ALPL: variants seen among roughly 807,000 people sequenced by gnomAD.
The protein encoded by ALPL is alkaline phosphatase, tissue-nonspecific isozyme.
A neutral mutation model predicts 51.3 loss-of-function variants in ALPL; 42 were observed. The observed-to-expected ratio is 0.82, with a 90% CI of 0.64 to 1.06. ALPL has a LOEUF of 1.06. ALPL is among the 50% of genes least tolerant of loss of function. The probability of loss-of-function intolerance (pLI) is 0.00; values close to 1 mark genes in which losing one functional copy is unlikely to be tolerated. For synonymous variants in ALPL, 279 were observed against 296.4 expected, an observed-to-expected ratio of 0.94 and a Z score of 0.60; for missense variants, 589 against 709.4, an observed-to-expected ratio of 0.83 and a Z score of 1.93.
intron 9 of ALPL, 133 bp from the exon 10 acceptor site, chr1:21,575,600 C>G: frequency 9.2e-7 from 1 of 1,083,920 alleles, no homozygotes; most frequent in Non-Finnish European, 1.4e-6. Context: ...GGTGCTAGCT[C>G]AGAGTGGTGC....
At chr1:21,544,677 C>T (rs1644230585) in intron 1 of ALPL, among the ~76,000 whole-genome samples, 1 of 152,148 alleles carries the variant, frequency 6.6e-6, no homozygotes, top group Non-Finnish European at 1.5e-5. Flanking sequence ...ACCTGGAAGG[C>T]GGAGGTTGCA....
intron 10 of ALPL, among the ~76,000 whole-genome samples, chr1:21,576,271 G>GGATGGATGGATGGATGGATGGATGGATGA (rs1644734391): frequency 4.6e-5 from 1 of 21,958 alleles, no homozygotes; most frequent in Non-Finnish European, 1.1e-4. Flanking sequence ...GGATGGATGG[G>GGATGGATGGATGGATGGATGGATGGATGA]TGGATGGATG....
chr1:21,542,008 C>G (rs996557830), intron 1 of ALPL, among the ~76,000 whole-genome samples: 1 of 152,230 alleles, frequency 6.6e-6, no homozygotes, highest in Admixed American at 6.5e-5. Context: ...GCAGCCCACT[C>G]TGAAACCACC....
intron 1 of ALPL, among the ~76,000 whole-genome samples, chr1:21,542,563 C>G (rs1033798017): frequency 1.3e-5 from 2 of 152,184 alleles, no homozygotes; most frequent in Admixed American, 6.5e-5. Context: ...AGCTTCCAGC[C>G]AGGCGCAGTG....
Position 21,537,568 on chromosome 1 carries a change from C to G in ALPL, c.-104-16410C>G, listed in dbSNP as rs371935792. Among the ~76,000 whole-genome samples the G allele has an allele frequency of 2.4e-4, 37 of 152,346 alleles. No individual in the cohort carries two copies. The East Asian group carries it at 2.5e-3, about 10-fold the overall frequency. On this transcript the variant is annotated intron_variant, in intron 1 of 11. Coordinates refer to ENST00000374840, the MANE Select transcript of ALPL (RefSeq NM_000478.6). The stretch of plus-strand genomic sequence containing the variant: ...AGCTCTCATTGCCAGAACCACCCCC[C>G]CCACCGCCATCCCCCTACACCCCAG...
intron 1 of ALPL, among the ~76,000 whole-genome samples, chr1:21,533,003 G>A (rs1194722307): frequency 6.6e-6 from 1 of 152,230 alleles, no homozygotes; most frequent in Non-Finnish European, 1.5e-5. Context: ...CTTTCAGTTT[G>A]TTGTGATACC....
chr1:21,520,279 A>T (rs1423910634), intron 1 of ALPL, among the ~76,000 whole-genome samples: 3 of 151,666 alleles, frequency 2.0e-5, no homozygotes, highest in African/African-American at 7.3e-5. Flanking sequence ...TTGTGCCACC[A>T]TGCCCAGCTA....
In ALPL at chr1:21,571,790, G is replaced by A. The variant is rs528704042; in HGVS notation, c.862+1416G>A. On this transcript the variant is annotated intron_variant, in intron 8 of 11. Coordinates refer to ENST00000374840, the MANE Select transcript of ALPL (RefSeq NM_000478.6). Reference sequence around the variant, plus strand: ...TGATCACTTGAGCCCAGGAGTTTGAGACCAGCCTGGGAAACATAGCGAGAC... The same window carrying A: ...TGATCACTTGAGCCCAGGAGTTTGAAACCAGCCTGGGAAACATAGCGAGAC... 9.2e-5 allele frequency among the ~76,000 whole-genome samples: 14 copies of A among 152,230 alleles called. 1 individual carries two copies. In the South Asian group the frequency reaches 2.9e-3, roughly 32 times the overall value.
At chr1:21,544,796 T>C (rs1644231895) in intron 1 of ALPL, among the ~76,000 whole-genome samples, 1 of 152,144 alleles carries the variant, frequency 6.6e-6, no homozygotes, top group Non-Finnish European at 1.5e-5. Flanking sequence ...ATGCATACAC[T>C]AGGCCCCAAG....
intron 2 of ALPL, among the ~76,000 whole-genome samples, chr1:21,554,743 GC>G (rs1349381551): frequency 1.3e-5 from 2 of 151,256 alleles, no homozygotes; most frequent in Non-Finnish European, 3.0e-5. Context: ...GCCTGCCTCG[GC>G]CTCCCAAAGT....
At chr1:21,542,987 A>G (rs1481367629) in intron 1 of ALPL, among the ~76,000 whole-genome samples, 1 of 152,152 alleles carries the variant, frequency 6.6e-6, no homozygotes, top group African/African-American at 2.4e-5. Flanking sequence ...CCCCACCTCT[A>G]TTTTAAAAAT....
Position 21,554,012 on chromosome 1 carries a change from G to GGCCCCCCCCCCC in ALPL, c.-70_-69insGCCCCCCCCCCC. ...ATCAGTTAACATCTGACCACTGCCA[G>GGCCCCCCCCCCC]CCCACCCCCTCCCACCCACGTCGAT... On this transcript the variant is annotated 5_prime_UTR_variant, in exon 2 of 12. Coordinates refer to ENST00000374840, the MANE Select transcript of ALPL (RefSeq NM_000478.6). The GGCCCCCCCCCCC allele has an allele frequency of 1.0e-6, 1 of 995,210 alleles. No homozygotes were observed. The highest frequency in any genetic ancestry group is 1.6e-6 in the Non-Finnish European group (1 of 623,796). The allele number at this position is 995,210 out of a possible 1,614,324, so 61.6% of individuals were successfully genotyped here. A position where few individuals can be genotyped will look rare whatever the true frequency, so the allele number is the denominator to read the frequency against.
In ALPL at chr1:21,509,911, G is replaced by A. The variant is rs1248864308; in HGVS notation, c.-105+394G>A. 6.6e-6 allele frequency among the ~76,000 whole-genome samples: 1 copy of A among 152,218 alleles called. No individual in the cohort carries two copies. Among genetic ancestry groups the A allele is most frequent in the East Asian group, 1.9e-4 (1 of 5,184 alleles). On this transcript the variant is annotated intron_variant, in intron 1 of 11. Coordinates refer to ENST00000374840, the MANE Select transcript of ALPL (RefSeq NM_000478.6). This position sits in a 1 kb window ranked among gnomAD's most constrained non-coding sequence, Gnocchi z 6.0. ...CTGAGCCCCTCCTGGTGCCTCCTTA[G>A]CCGTAGCTCTAGAGACCTGGGCTGC... is the stretch of plus-strand genomic sequence containing the variant.
At chr1:21,562,708 A>C (rs1644501216) in intron 4 of ALPL, among the ~76,000 whole-genome samples, 6 of 130,800 alleles carry the variant, frequency 4.6e-5, no homozygotes, top group Admixed American at 2.4e-4. Context: ...CACTTTCACT[A>C]CCCTATCCCC....
chr1:21,530,292 T>C (rs1644010512), intron 1 of ALPL, among the ~76,000 whole-genome samples: 1 of 152,196 alleles, frequency 6.6e-6, no homozygotes, highest in Non-Finnish European at 1.5e-5. Context: ...TCTCAGTAAA[T>C]CTGATCTAAT....
chr1:21,525,346 A>G (rs1158949871), intron 1 of ALPL, among the ~76,000 whole-genome samples: 1 of 152,206 alleles, frequency 6.6e-6, no homozygotes, highest in African/African-American at 2.4e-5. Flanking sequence ...GGAAAAATGC[A>G]TGGCCCATAG....
intron 3 of ALPL, 61 bp from the exon 4 acceptor site, chr1:21,561,036 C>T (rs1263594223): frequency 1.4e-6 from 2 of 1,466,426 alleles, no homozygotes; most frequent in Non-Finnish European, 1.9e-6. Flanking sequence ...TCTGGGTACC[C>T]AAGCAGGCTG....
At chr1:21,555,190 T>G (rs1392507437) in intron 2 of ALPL, among the ~76,000 whole-genome samples, 1 of 151,938 alleles carries the variant, frequency 6.6e-6, no homozygotes, top group African/African-American at 2.4e-5. Flanking sequence ...GGGGAGCTTT[T>G]TGAGCCAGGA....
intron 8 of ALPL, among the ~76,000 whole-genome samples, 174 bp from the exon 9 acceptor site, chr1:21,573,491 G>A (rs1644680414): frequency 6.6e-6 from 1 of 151,800 alleles, no homozygotes; most frequent in African/African-American, 2.4e-5. Context: ...AGGAATTGGG[G>A]GCCTAATTCT....
Sources: allele counts gnomAD v4.1 joint callset (sites outside exome capture counted in the v4.1 genomes callset), GRCh38; gene constraint gnomAD v4.1.1; non-coding constraint Gnocchi (gnomAD v3.1); transcripts MANE v1.5; gene names NCBI Gene and HGNC (gene_info 2026-07-23, HGNC 2026-07-21).